The following MAP3K3 variants were observed in gnomAD, a reference collection of about 807,000 sequenced individuals.
MAP3K3 encodes the protein mitogen-activated protein kinase kinase kinase 3.
MAP3K3 carries 12 observed loss-of-function variants against 80.9 expected under a neutral mutation model. The ratio of observed to expected loss-of-function variants is 0.15; its 90% CI spans 0.10 to 0.24. The LOEUF is 0.24. Among genes scored for constraint, MAP3K3 ranks in the 10% least tolerant of loss-of-function variants. The pLI is 1.00. For missense variants in MAP3K3, 596 were observed against 834.7 expected (o/e 0.71, Z 3.52); for synonymous variants, 272 against 307.1 (o/e 0.89, Z 1.19).
Position 63,694,856 on chromosome 17 carries a change from G to C in MAP3K3, c.*1079G>C, listed in dbSNP as rs2035660686. On this transcript the variant is annotated 3_prime_UTR_variant, in exon 16 of 16. Transcript: ENST00000361733. ...AAACCGCCAGCTCTGTTCTTCCTCAGCCAGCCTCGCCCATCCCCTTGAGGT... is the reference window on the plus strand; with the variant it reads ...AAACCGCCAGCTCTGTTCTTCCTCACCCAGCCTCGCCCATCCCCTTGAGGT... The C allele has an allele frequency of 1.3e-5, 2 of 153,272 alleles. No homozygotes were observed. The highest frequency in any genetic ancestry group is 2.9e-5 in the Non-Finnish European group (2 of 68,628). 9.5% of individuals were successfully genotyped at this position (153,272 alleles called of 1,614,324 possible).
At chr17:63,688,378 A>G (rs1159318439) in intron 8 of MAP3K3, 149 bp from the exon 9 acceptor site, 28 of 669,696 alleles carry the variant, frequency 4.2e-5, no homozygotes. Context: ...AGAAAGCAGG[A>G]GCTGGGCTCA....
At position 63,693,633 on chromosome 17, in the gene MAP3K3, T is replaced by G; in HGVS notation, c.1737T>G (p.Ile579Met). The G allele has an allele frequency of 6.2e-7, 1 of 1,610,524 alleles. No homozygotes were observed. The highest frequency in any genetic ancestry group is 8.5e-7 in the Non-Finnish European group (1 of 1,177,626). Residue 579 changes from isoleucine (I) to methionine (M), a missense_variant, in exon 16 of 16, where the codon ATT (isoleucine) becomes ATG (methionine). Transcript: ENST00000361733. This position sits in a 1 kb window ranked among gnomAD's most constrained non-coding sequence, Gnocchi z 4.2. Reference protein sequence around the residue: ...EYEAMAAIFKIATQPTNPQLP... With the variant: ...EYEAMAAIFKMATQPTNPQLP... Reference sequence around the variant, plus strand: ...AAGCTATGGCCGCCATCTTCAAGATTGCCACCCAGCCCACCAATCCTCAGC... The same window carrying G: ...AAGCTATGGCCGCCATCTTCAAGATGGCCACCCAGCCCACCAATCCTCAGC...
chr17:63,642,891 A>G lies in MAP3K3; in HGVS notation c.127-3143A>G, dbSNP rs1053095632. ...TCTTGCCTCAGCTTTCCAAGTAGCT[A>G]AGACTACAGGCGTGTGCCACCACAA... On this transcript the variant is annotated intron_variant, in intron 2 of 15. Transcript: ENST00000361733. Among the ~76,000 whole-genome samples the G allele has an allele frequency of 2.6e-5, 4 of 151,776 alleles. No homozygotes were observed. In the South Asian group the frequency reaches 6.2e-4, roughly 24 times the overall value.
chr17:63,684,084 C>G (rs2035397112), intron 7 of MAP3K3, among the ~76,000 whole-genome samples: 1 of 152,162 alleles, frequency 6.6e-6, no homozygotes, highest in Non-Finnish European at 1.5e-5. Flanking sequence ...ATCACTTGAG[C>G]CCAGGCTGCA....
intron 2 of MAP3K3, chr17:63,637,057 T>A: frequency 1.9e-6 from 1 of 514,346 alleles, no homozygotes; most frequent in African/African-American, 2.0e-5. Flanking sequence ...AAGAGGAGAT[T>A]ACCAAGTTTG....
chr17:63,676,408 A>C (rs940067047), intron 6 of MAP3K3, among the ~76,000 whole-genome samples: 1 of 152,112 alleles, frequency 6.6e-6, no homozygotes, highest in African/African-American at 2.4e-5. Context: ...CACCCCAGAC[A>C]CTCCATGTAA....
At chr17:63,645,959 C>T in intron 2 of MAP3K3, 75 bp from the exon 3 acceptor site, 2 of 1,232,146 alleles carry the variant, frequency 1.6e-6, no homozygotes. Flanking sequence ...ACGAACTGCC[C>T]AAGGCTTACT....
intron 1 of MAP3K3, among the ~76,000 whole-genome samples, chr17:63,626,461 A>G (rs1374541262): frequency 1.6e-4 from 25 of 152,206 alleles, no homozygotes. Context: ...TGTAGTGGTG[A>G]TATATATTGA....
Position 63,671,349 on chromosome 17 carries a change from G to A in MAP3K3, c.502+4289G>A, listed in dbSNP as rs185354956. Among the ~76,000 whole-genome samples the A allele has an allele frequency of 4.5e-4, 67 of 149,722 alleles. No homozygotes were observed. In the East Asian group the frequency reaches 4.9e-3, roughly 11 times the overall value. On this transcript the variant is annotated intron_variant, in intron 6 of 15. Transcript: ENST00000361733. ...CGGCTCACTGCAACCTCCGCCTCCC[G>A]GGTTCAAACGATTCTCTTGCCTCAG...
intron 5 of MAP3K3, among the ~76,000 whole-genome samples, chr17:63,663,753 G>A (rs72847305): frequency 0.093 from 14,079 of 152,092 alleles, 860 homozygotes; most frequent in Non-Finnish European, 0.13. Context: ...AAAATCAGTC[G>A]TGGTGGCAAA....
intron 7 of MAP3K3, among the ~76,000 whole-genome samples, chr17:63,684,344 C>T (rs1310339343): frequency 6.6e-6 from 1 of 152,220 alleles, no homozygotes; most frequent in Non-Finnish European, 1.5e-5. Flanking sequence ...TTTCTGTTAA[C>T]TAGTCTAAAT....
At chr17:63,626,301 GT>G (rs2143121937) in intron 1 of MAP3K3, among the ~76,000 whole-genome samples, 1 of 152,312 alleles carries the variant, frequency 6.6e-6, no homozygotes, top group African/African-American at 2.4e-5. Context: ...AGAAGTTACA[GT>G]TAGGTAAGGT....
intron 7 of MAP3K3, among the ~76,000 whole-genome samples, chr17:63,683,608 C>T (rs1459629632): frequency 6.6e-6 from 1 of 152,162 alleles, no homozygotes; most frequent in Non-Finnish European, 1.5e-5. Context: ...CAAGGTCCTC[C>T]CCCAGCGCCT....
chr17:63,628,549 G>A (rs1237157757), intron 1 of MAP3K3, among the ~76,000 whole-genome samples: 2 of 151,804 alleles, frequency 1.3e-5, no homozygotes, highest in African/African-American at 2.4e-5. Context: ...TAGTAGAGAC[G>A]GGGTTTCTCC....
At chr17:63,643,152 A>G (rs1191649487) in intron 2 of MAP3K3, among the ~76,000 whole-genome samples, 2 of 152,216 alleles carry the variant, frequency 1.3e-5, no homozygotes, top group African/African-American at 4.8e-5. Context: ...TGATATATCA[A>G]TATTGATTAA....
At chr17:63,654,337 T>TTTTTTTTTTTTTGAGAC (rs1555689284) in intron 4 of MAP3K3, among the ~76,000 whole-genome samples, 5 of 149,916 alleles carry the variant, frequency 3.3e-5, no homozygotes, top group African/African-American at 9.9e-5. Flanking sequence ...CTTTTTTGTC[T>TTTTTTTTTTTTTGAGAC]GGCTTCTTTG....
At chr17:63,676,083 G>T (rs2035214268) in intron 6 of MAP3K3, among the ~76,000 whole-genome samples, 1 of 152,224 alleles carries the variant, frequency 6.6e-6, no homozygotes, top group African/African-American at 2.4e-5. Context: ...GATAGCCACT[G>T]GTTTGGGGAG....
At chr17:63,643,313 G>T (rs1249456289) in intron 2 of MAP3K3, among the ~76,000 whole-genome samples, 1 of 151,938 alleles carries the variant, frequency 6.6e-6, no homozygotes, top group African/African-American at 2.4e-5. Context: ...GAGACTAGCT[G>T]GGCAACATGG....
At chr17:63,665,462 T>C (rs958758723) in intron 5 of MAP3K3, among the ~76,000 whole-genome samples, 1 of 152,092 alleles carries the variant, frequency 6.6e-6, no homozygotes, top group East Asian at 2.0e-4. Context: ...ACTCCCGGCC[T>C]AGCTTTTAGA....
Sources: allele counts gnomAD v4.1 joint callset (sites outside exome capture counted in the v4.1 genomes callset), GRCh38; gene constraint gnomAD v4.1.1; non-coding constraint Gnocchi (gnomAD v3.1); transcripts MANE v1.5; gene names NCBI Gene and HGNC (gene_info 2026-07-23, HGNC 2026-07-21).